Variants in NAAA observed in about 807,000 individuals in gnomAD.
NAAA encodes the protein N-acylethanolamine acid amidase.
NAAA carries 39 observed loss-of-function variants against 44.8 expected under a neutral mutation model. The observed-to-expected ratio is 0.87, with a 90% CI of 0.67 to 1.14. NAAA has a LOEUF of 1.14. Ranked by LOEUF, NAAA falls within the 50% of genes most tolerant of loss-of-function variation. NAAA has a pLI of 0.00. For missense variants in NAAA, 460 were observed against 467.8 expected (o/e 0.98, Z 0.15); for synonymous variants, 178 against 191.3 (o/e 0.93, Z 0.58).
intron 9 of NAAA, among the ~76,000 whole-genome samples, chr4:75,918,206 C>T (rs1725808231): frequency 6.6e-6 from 1 of 152,192 alleles, no homozygotes; most frequent in Non-Finnish European, 1.5e-5. Context: ...GTAATCCCAG[C>T]AATTTGGGAG....
At chr4:75,922,728 G>C (rs1726289245) in intron 5 of NAAA, among the ~76,000 whole-genome samples, 1 of 152,188 alleles carries the variant, frequency 6.6e-6, no homozygotes, top group South Asian at 2.1e-4. Flanking sequence ...TCTGCCTTTT[G>C]TGAGTTGACT....
intron 3 of NAAA, 138 bp downstream of exon 3, chr4:75,935,971 T>C (rs1320968822): frequency 5.2e-6 from 5 of 956,868 alleles, no homozygotes; most frequent in South Asian, 1.5e-5. Flanking sequence ...ACCTCTCTTC[T>C]GGCTTTGTTT....
chr4:75,913,406 C>T (rs1027511401), downstream of NAAA, among the ~76,000 whole-genome samples: 1 of 152,022 alleles, frequency 6.6e-6, no homozygotes, highest in African/African-American at 2.4e-5. Context: ...TTAGCCTTGG[C>T]AAAATAACTC....
At chr4:75,919,296 C>T (rs1204756546) in intron 8 of NAAA, 1 of 157,446 alleles carries the variant, frequency 6.4e-6, no homozygotes, top group Non-Finnish European at 1.4e-5. Context: ...CCTGCCTTGA[C>T]CTCCCAAAGT....
chr4:75,936,871 G>A (rs1364123399), intron 2 of NAAA, among the ~76,000 whole-genome samples: 2 of 152,114 alleles, frequency 1.3e-5, no homozygotes. Context: ...CATATTCTCT[G>A]AGAATATTTA....
chr4:75,913,688 C>A lies in NAAA; in HGVS notation c.*687G>T. The A allele has an allele frequency of 3.1e-6, 3 of 982,730 alleles. No individual in the cohort carries two copies. The highest frequency in any genetic ancestry group is 3.6e-6 in the Non-Finnish European group (3 of 827,664). The allele number at this position is 982,730 out of a possible 1,614,324, so 60.9% of individuals were successfully genotyped here. On this transcript the variant is annotated 3_prime_UTR_variant, in exon 11 of 11. Transcript: ENST00000286733. ...CTTGGAAATTTTTTTATTCTCCTTG[C>A]CAACATTTCTTTTGACATTTTATTA...
chr4:75,919,983 G>C lies in NAAA; in HGVS notation c.903-8C>G, dbSNP rs1166101189. ...GCCTTGATGGCAGATGTTCTGTAAG[G>C]ACAAAGGTCGAAGGTCACTTGGCAT... is the stretch of plus-strand genomic sequence containing the variant. On this transcript the variant is annotated splice_region_variant and splice_polypyrimidine_tract_variant and intron_variant, in intron 7 of 10. Transcript: ENST00000286733. 1 of 1,613,180 alleles carries C rather than the reference G, an allele frequency of 6.2e-7. No individual in the cohort carries two copies. The highest frequency in any genetic ancestry group is 8.5e-7 in the Non-Finnish European group (1 of 1,179,312).
At chr4:75,918,654 C>A (rs1019992696) in intron 9 of NAAA, 107 bp downstream of exon 9, 41 of 1,204,014 alleles carry the variant, frequency 3.4e-5, no homozygotes, top group Non-Finnish European at 4.7e-5. Flanking sequence ...AGTGCCCCCA[C>A]AGCCTGGTTA....
intron 3 of NAAA, among the ~76,000 whole-genome samples, chr4:75,932,868 C>T (rs1433340327): frequency 6.6e-6 from 1 of 151,758 alleles, no homozygotes; most frequent in African/African-American, 2.4e-5. Flanking sequence ...GGCATGGTGG[C>T]TCACACCTGT....
At chr4:75,917,004 T>G in intron 9 of NAAA, 1 of 497,524 alleles carries the variant, frequency 2.0e-6, no homozygotes, top group Non-Finnish European at 2.6e-6. Context: ...GGTCTCGAAC[T>G]CCTGACCTCA....
downstream of NAAA, among the ~76,000 whole-genome samples, chr4:75,911,987 G>C (rs187613317): frequency 3.1e-4 from 47 of 152,292 alleles, no homozygotes; most frequent in African/African-American, 1.1e-3. Context: ...GCCCAGGAAC[G>C]AGCAAGGACA....
rs140600968 is a variant in NAAA, at chr4:75,926,211, T to C, written c.590-400A>G. 3.9e-5 allele frequency among the ~76,000 whole-genome samples: 6 copies of C among 152,172 alleles called. No homozygotes were observed. In the East Asian group the frequency reaches 1.2e-3, roughly 29 times the overall value. ...CATTCAAGGCTAAGTAATGGCAATA[T>C]AAGAAAAAAATGGACAAATTGAATT... On this transcript the variant is annotated intron_variant, in intron 4 of 10. Coordinates refer to ENST00000286733, the MANE Select transcript of NAAA (RefSeq NM_014435.4).
chr4:75,913,248 A>C (rs1371783025), downstream of NAAA, among the ~76,000 whole-genome samples: 3 of 151,998 alleles, frequency 2.0e-5, no homozygotes, highest in African/African-American at 7.3e-5. Flanking sequence ...ACAAGAATGT[A>C]ACCATTTGCC....
At chr4:75,915,778 C>A (rs548592696) in intron 9 of NAAA, among the ~76,000 whole-genome samples, 6 of 152,332 alleles carry the variant, frequency 3.9e-5, no homozygotes, top group Non-Finnish European at 8.8e-5. Flanking sequence ...CGCCCCTCCA[C>A]CTTGCCCAGA....
At chr4:75,921,782 C>T (rs981672293) in intron 5 of NAAA, among the ~76,000 whole-genome samples, 4 of 152,034 alleles carry the variant, frequency 2.6e-5, no homozygotes, top group African/African-American at 4.8e-5. Context: ...GGTTCTAGTT[C>T]GATGGACTAG....
At chr4:75,913,558 C>T (rs1226116078), downstream of NAAA, 9 of 531,036 alleles carry the variant, frequency 1.7e-5, no homozygotes, top group Non-Finnish European at 1.4e-5. Flanking sequence ...TGAATGCTGA[C>T]ACTTAAATAA....
intron 9 of NAAA, among the ~76,000 whole-genome samples, chr4:75,915,505 A>T (rs1044898334): frequency 3.3e-5 from 5 of 152,028 alleles, no homozygotes; most frequent in Admixed American, 2.0e-4. Context: ...CCCAGCAAGC[A>T]CCTGCCCCTG....
At chr4:75,920,607 G>T in intron 7 of NAAA, 131 bp downstream of exon 7, 2 of 1,104,326 alleles carry the variant, frequency 1.8e-6, no homozygotes, top group Non-Finnish European at 2.7e-6. Flanking sequence ...CCAAGGCACT[G>T]GCGAAGGGGC....
At chr4:75,929,814 G>C (rs1275824982) in intron 4 of NAAA, among the ~76,000 whole-genome samples, 1 of 152,192 alleles carries the variant, frequency 6.6e-6, no homozygotes, top group African/African-American at 2.4e-5. Context: ...CACTGGCCGG[G>C]CATGGTGGTT....
Sources: gnomAD v4.1 joint callset for allele counts (sites outside exome capture counted in the v4.1 genomes callset) on GRCh38, gnomAD v4.1.1 for gene constraint, MANE v1.5 for transcripts, NCBI Gene and HGNC (gene_info 2026-07-23, HGNC 2026-07-21) for gene names.